Variants in IL7 observed in about 807,000 individuals in gnomAD.
IL7 encodes the protein interleukin 7, also known as interleukin-7.
IL7 carries 3 observed loss-of-function variants against 21.6 expected under a neutral mutation model. The observed-to-expected ratio is 0.14, with a 90% CI of 0.06 to 0.36. The LOEUF (loss-of-function observed/expected upper bound fraction) is 0.36. Ranked by LOEUF, IL7 falls within the 10% of genes least tolerant of loss-of-function variation. The pLI, the probability that IL7 is intolerant of heterozygous loss-of-function variation, is 1.00. For synonymous variants in IL7, 62 were observed against 68.1 expected (o/e 0.91, Z 0.44); for missense variants, 175 against 200.2 (o/e 0.87, Z 0.76).
chr8:78,767,217 TGA>T (rs1812783144), intron 2 of IL7, among the ~76,000 whole-genome samples: 1 of 151,836 alleles, frequency 6.6e-6, no homozygotes, highest in Non-Finnish European at 1.5e-5. Context: ...ACAGTGTGAG[TGA>T]GTGTGTGTGT....
At chr8:78,767,276 AGTGT>A (rs145809544) in intron 2 of IL7, among the ~76,000 whole-genome samples, 2 of 151,102 alleles carry the variant, frequency 1.3e-5, no homozygotes, top group African/African-American at 2.4e-5. Context: ...TGAACAAGTG[AGTGT>A]GTGTGTGTGA....
intron 2 of IL7, chr8:78,760,039 G>T (rs1812496077): frequency 9.9e-7 from 1 of 1,014,090 alleles, no homozygotes; most frequent in Non-Finnish European, 1.4e-6. Context: ...GTATTCAATG[G>T]AGTCCTATAG....
intron 3 of IL7, among the ~76,000 whole-genome samples, chr8:78,707,932 T>G (rs1222972301): frequency 6.6e-6 from 1 of 152,008 alleles, no homozygotes; most frequent in Non-Finnish European, 1.5e-5. Context: ...TGGCAAAGAC[T>G]ATGTCTGCCT....
rs151283921 is a variant in IL7 at position 78,680,052 on chromosome 8, C to A, written n.274-3948G>T. On this transcript the variant is annotated intron_variant and non_coding_transcript_variant, in intron 4 of 4. Transcript: ENST00000523959. ...TTGCTACATACCGTATTATTCTGGG[C>A]AAGTTATTTAATGTAATTATGCTTC... Among the ~76,000 whole-genome samples, 301 of 152,060 alleles carry A rather than the reference C, an allele frequency of 2.0e-3. 1 individual carries two copies. Among genetic ancestry groups the A allele is most frequent in the South Asian group, 7.9e-3 (38 of 4,818 alleles).
intron 2 of IL7, among the ~76,000 whole-genome samples, chr8:78,778,078 A>T (rs1813191454): frequency 6.6e-6 from 1 of 152,054 alleles, no homozygotes; most frequent in Non-Finnish European, 1.5e-5. Context: ...TTTCAACTGT[A>T]ATTATCAGCA....
chr8:78,713,663 A>T (rs916846900), downstream of IL7, among the ~76,000 whole-genome samples: 4 of 152,168 alleles, frequency 2.6e-5, no homozygotes, highest in Non-Finnish European at 5.9e-5. Context: ...CACCAAAGTG[A>T]TTCTTTGCTT....
chr8:78,732,297 GAAGTGTATACAATT>G, downstream of IL7, among the ~76,000 whole-genome samples: 1 of 152,156 alleles, frequency 6.6e-6, no homozygotes, highest in Non-Finnish European at 1.5e-5. Context: ...AAATTGTATG[GAAGTGTATACAATT>G]CTATACAGCT....
chr8:78,730,695 A>G (rs913806389), downstream of IL7, among the ~76,000 whole-genome samples: 1 of 152,010 alleles, frequency 6.6e-6, no homozygotes, highest in African/African-American at 2.4e-5. Flanking sequence ...GCTAACTACC[A>G]TATGTCTAGC....
At chr8:78,680,931 G>A (rs1401983992) in intron 4 of IL7, among the ~76,000 whole-genome samples, 1 of 152,168 alleles carries the variant, frequency 6.6e-6, no homozygotes, top group Admixed American at 6.5e-5. Context: ...AATGAGCAGG[G>A]CTGAAATTGT....
At chr8:78,744,134 G>A (rs1007632235) in intron 2 of IL7, among the ~76,000 whole-genome samples, 5 of 151,956 alleles carry the variant, frequency 3.3e-5, no homozygotes, top group South Asian at 2.1e-4. Context: ...CTGGGGTAAC[G>A]CTTCACCGCC....
chr8:78,703,652 T>C (rs1207835560), intron 3 of IL7, among the ~76,000 whole-genome samples: 4 of 152,130 alleles, frequency 2.6e-5, no homozygotes, highest in Non-Finnish European at 5.9e-5. Context: ...CTCCATCCCT[T>C]TATTTTGATC....
At chr8:78,746,935 A>T in intron 2 of IL7, 1 of 405,316 alleles carries the variant, frequency 2.5e-6, no homozygotes, top group Non-Finnish European at 4.9e-6. Flanking sequence ...TTTCTTCTGA[A>T]TTTTTTTCAT....
downstream of IL7, among the ~76,000 whole-genome samples, chr8:78,675,247 A>C (rs566069488): frequency 6.6e-6 from 1 of 151,920 alleles, no homozygotes; most frequent in African/African-American, 2.4e-5. Flanking sequence ...TATTATATGT[A>C]TAAAATAATA....
chr8:78,704,926 T>C (rs1481505327), intron 3 of IL7, among the ~76,000 whole-genome samples: 1 of 152,228 alleles, frequency 6.6e-6, no homozygotes, highest in Non-Finnish European at 1.5e-5. Flanking sequence ...GAAATTCTTG[T>C]AGTGTGTTTT....
At chr8:78,784,269 G>A (rs1813437030) in intron 2 of IL7, among the ~76,000 whole-genome samples, 1 of 152,114 alleles carries the variant, frequency 6.6e-6, no homozygotes. Flanking sequence ...GAAGATATGA[G>A]AAGCTGGTAG....
chr8:78,741,485 A>G (rs554841244), intron 2 of IL7, among the ~76,000 whole-genome samples: 1 of 152,320 alleles, frequency 6.6e-6, no homozygotes. Flanking sequence ...TAGCTACTCT[A>G]TATGTTATCT....
chr8:78,783,872 C>A (rs1255819243), intron 2 of IL7, among the ~76,000 whole-genome samples: 2 of 151,946 alleles, frequency 1.3e-5, no homozygotes, highest in Non-Finnish European at 2.9e-5. Context: ...TATGATAAAC[C>A]AAACTGTCAG....
intron 2 of IL7, among the ~76,000 whole-genome samples, chr8:78,783,739 C>T (rs1386694795): frequency 6.6e-6 from 1 of 151,992 alleles, no homozygotes; most frequent in Non-Finnish European, 1.5e-5. Flanking sequence ...ATTAATGAGA[C>T]AATTTGAGAG....
At chr8:78,750,500 GGAATTATCAGAACA>G (rs1812130550) in intron 2 of IL7, among the ~76,000 whole-genome samples, 1 of 152,224 alleles carries the variant, frequency 6.6e-6, no homozygotes, top group South Asian at 2.1e-4. Flanking sequence ...CCATGAGGTT[GGAATTATCAGAACA>G]GAAATCTTTT....
Sources: gnomAD v4.1 joint callset for allele counts (sites outside exome capture counted in the v4.1 genomes callset) on GRCh38, gnomAD v4.1.1 for gene constraint, MANE v1.5 for transcripts, NCBI Gene and HGNC (gene_info 2026-07-23, HGNC 2026-07-21) for gene names.